CRYBG3: variants seen among roughly 807,000 people sequenced by gnomAD.
CRYBG3 encodes the protein crystallin beta-gamma domain containing 3.
Under a neutral mutation model 244.2 loss-of-function variants are expected in CRYBG3, and 127 were observed. The ratio of observed to expected loss-of-function variants is 0.52; its 90% confidence interval spans 0.45 to 0.60. The LOEUF (loss-of-function observed/expected upper bound fraction) is 0.60, where lower values mean the gene tolerates loss of function less well. Ranked by LOEUF, CRYBG3 falls within the 20% of genes least tolerant of loss-of-function variation. The pLI, the probability that CRYBG3 is intolerant of heterozygous loss-of-function variation, is 0.00. For synonymous variants in CRYBG3, 1,132 were observed against 1,195.8 expected (o/e 0.95, Z 1.10); for missense variants, 3,325 against 3,442.5 (o/e 0.97, Z 0.85).
chr3:97,877,691 G>T lies in CRYBG3; in HGVS notation c.6497G>T (p.Gly2166Val). Reference protein sequence around the residue: ...AVLHKGDLRAGSGERVTFQLP... With the variant: ...AVLHKGDLRAVSGERVTFQLP... ...TTGCATAAAGGAGATCTGAGAGCTGGAAGTGGGGAGCGTGTTACCTTCCAG... is the reference window on the plus strand; with the variant it reads ...TTGCATAAAGGAGATCTGAGAGCTGTAAGTGGGGAGCGTGTTACCTTCCAG... Residue 2166 changes from glycine to valine, a missense_variant, in exon 4 of 22, where the codon GGA (glycine) becomes GTA (valine). Physicochemically the swap from Gly to Val is moderately radical, Grantham distance 109 (BLOSUM62 -3). Coordinates refer to ENST00000389622, the MANE Select transcript of CRYBG3 (RefSeq NM_153605.4). The T allele has an allele frequency of 2.5e-6, 4 of 1,614,088 alleles. No individual in the cohort carries two copies. The East Asian group carries it at 8.9e-5, about 36-fold the overall frequency.
rs1325302583 is a variant in CRYBG3, at chr3:97,943,315, G to C, written c.*1G>C. The C allele has an allele frequency of 6.6e-7, 1 of 1,519,276 alleles. No individual in the cohort carries two copies. Among genetic ancestry groups the C allele is most frequent in the East Asian group, 2.3e-5 (1 of 44,212 alleles). The allele number at this position is 1,519,276 out of a possible 1,614,324, so 94.1% of individuals were successfully genotyped here. A position where few individuals can be genotyped will look rare whatever the true frequency, so the allele number is the denominator to read the frequency against. On this transcript the variant is annotated 3_prime_UTR_variant, in exon 22 of 22. Transcript: ENST00000389622. ...GAAATGGGACATTGAAATATTGTGA[G>C]AGAATCAACATCCCTAGAAAGATCC...
chr3:97,873,948 T>A lies in CRYBG3; in HGVS notation c.2754T>A (p.Tyr918Ter), dbSNP rs897971218. 51 of 1,535,524 alleles carry A rather than the reference T, an allele frequency of 3.3e-5. No homozygotes were observed. The highest frequency in any genetic ancestry group is 3.7e-5 in the Non-Finnish European group (43 of 1,146,778). The change falls in exon 4 of 22, where the codon TAT becomes TAA. Residue 918 changes from tyrosine to a stop codon, truncating the protein, a stop_gained. Transcript: ENST00000389622. LOFTEE classifies it high-confidence loss of function. ...AGCTTTCTCCTGCTGCCTCCAAATATGAAGATAAGCCAGAACCAGAGGTAG... is the reference window on the plus strand; with the variant it reads ...AGCTTTCTCCTGCTGCCTCCAAATAAGAAGATAAGCCAGAACCAGAGGTAG... Reference protein sequence around the residue: ...QAELSPAASKYEDKPEPEVDA... With the variant: ...QAELSPAASK
chr3:97,876,907 G>A lies in CRYBG3; in HGVS notation c.5713G>A (p.Glu1905Lys). The A allele has an allele frequency of 6.9e-7, 1 of 1,448,552 alleles. No individual in the cohort carries two copies. Among genetic ancestry groups the A allele is most frequent in the Non-Finnish European group, 9.1e-7 (1 of 1,100,590 alleles). 89.7% of individuals were successfully genotyped at this position (1,448,552 alleles called of 1,614,324 possible). Reference protein sequence around the residue: ...TPQEYAEGSVEETKEEPTEIK... With the variant: ...TPQEYAEGSVKETKEEPTEIK... Reference sequence around the variant, plus strand: ...ACAAGAGTATGCTGAAGGGAGTGTTGAAGAAACAAAGGAAGAGCCTACAGA... The same window carrying A: ...ACAAGAGTATGCTGAAGGGAGTGTTAAAGAAACAAAGGAAGAGCCTACAGA... The change falls in exon 4 of 22, where the codon GAA (glutamate) becomes AAA (lysine). Residue 1905 changes from glutamate to lysine, a missense_variant. Transcript: ENST00000389622.
intron 8 of CRYBG3, among the ~76,000 whole-genome samples, chr3:97,888,088 A>T (rs1337185291): frequency 1.3e-5 from 2 of 152,206 alleles, no homozygotes; most frequent in African/African-American, 4.8e-5. Flanking sequence ...AATAAAAGTA[A>T]TGCCTAATGA....
At chr3:97,866,309 G>A (rs748900600) in intron 3 of CRYBG3, among the ~76,000 whole-genome samples, 15 of 152,136 alleles carry the variant, frequency 9.9e-5, no homozygotes, top group South Asian at 2.1e-4. Flanking sequence ...TTCTGATAAC[G>A]TACAAAGGTG....
At chr3:97,866,024 T>G (rs1286244651) in intron 3 of CRYBG3, among the ~76,000 whole-genome samples, 1 of 152,050 alleles carries the variant, frequency 6.6e-6, no homozygotes, top group African/African-American at 2.4e-5. Context: ...AATAGAAAAG[T>G]CAAACAATAT....
rs947807214 is a variant in CRYBG3, at chr3:97,822,197, C to G, written c.-10C>G. ...TTCAGACAGCCCCGGGCCAGCGGCCCCCTCGGGAAATGTCCAGCGGCCGCA... is the reference window on the plus strand; with the variant it reads ...TTCAGACAGCCCCGGGCCAGCGGCCGCCTCGGGAAATGTCCAGCGGCCGCA... On this transcript the variant is annotated 5_prime_UTR_variant, in exon 1 of 22. Coordinates refer to ENST00000389622, the MANE Select transcript of CRYBG3 (RefSeq NM_153605.4). 4 of 1,513,812 alleles carry G rather than the reference C, an allele frequency of 2.6e-6. No individual in the cohort carries two copies. In the African/African-American group the frequency reaches 5.6e-5, roughly 21 times the overall value. The allele number at this position is 1,513,812 out of a possible 1,614,324, so 93.8% of individuals were successfully genotyped here.
intron 1 of CRYBG3, among the ~76,000 whole-genome samples, chr3:97,830,894 G>C (rs1039990545): frequency 9.2e-5 from 14 of 152,176 alleles, no homozygotes; most frequent in African/African-American, 3.1e-4. Context: ...CAAGCTCCCT[G>C]TGTGTGGTCT....
chr3:97,841,845 T>A (rs1475488889), intron 1 of CRYBG3, among the ~76,000 whole-genome samples: 2 of 152,194 alleles, frequency 1.3e-5, no homozygotes, highest in Non-Finnish European at 2.9e-5. Context: ...GTCTCATCCC[T>A]TGGAGGATTA....
intron 7 of CRYBG3, among the ~76,000 whole-genome samples, chr3:97,884,868 C>A (rs988276358): frequency 6.6e-5 from 10 of 151,790 alleles, no homozygotes; most frequent in African/African-American, 2.4e-4. Flanking sequence ...ATACTGTTTC[C>A]ATCTGTGTTG....
chr3:97,890,894 G>A (rs1347559952), intron 10 of CRYBG3, among the ~76,000 whole-genome samples: 1 of 152,018 alleles, frequency 6.6e-6, no homozygotes, highest in Non-Finnish European at 1.5e-5. Flanking sequence ...AAATAGTAAA[G>A]GAGAAATACT....
At chr3:97,902,949 A>G (rs186205958) in intron 15 of CRYBG3, among the ~76,000 whole-genome samples, 9 of 152,334 alleles carry the variant, frequency 5.9e-5, no homozygotes, top group Admixed American at 3.3e-4. Flanking sequence ...ATTAAATCTT[A>G]TAACAGTGAA....
At chr3:97,868,197 T>C (rs565046583) in intron 3 of CRYBG3, among the ~76,000 whole-genome samples, 1 of 148,624 alleles carries the variant, frequency 6.7e-6, no homozygotes, top group Non-Finnish European at 1.5e-5. Flanking sequence ...GGCAGGAGAA[T>C]GGCGTGAACC....
At chr3:97,854,589 G>C (rs1043819083) in intron 2 of CRYBG3, among the ~76,000 whole-genome samples, 1 of 138,774 alleles carries the variant, frequency 7.2e-6, no homozygotes, top group African/African-American at 2.7e-5. Flanking sequence ...ATACTCCTAA[G>C]TATTTTTTTT....
intron 3 of CRYBG3, among the ~76,000 whole-genome samples, chr3:97,866,431 T>A (rs1254292397): frequency 6.6e-6 from 1 of 152,214 alleles, no homozygotes; most frequent in East Asian, 1.9e-4. Context: ...AAAGCAGTAC[T>A]ATTCAAAGTG....
intron 12 of CRYBG3, among the ~76,000 whole-genome samples, chr3:97,898,296 A>G (rs1369804648): frequency 6.6e-6 from 1 of 151,480 alleles, no homozygotes; most frequent in African/African-American, 2.4e-5. Flanking sequence ...ATGAAATTAG[A>G]CATTTGCATA....
intron 12 of CRYBG3, among the ~76,000 whole-genome samples, chr3:97,896,712 G>A (rs2039644382): frequency 6.6e-6 from 1 of 152,176 alleles, no homozygotes; most frequent in Non-Finnish European, 1.5e-5. Flanking sequence ...GAGACATTTT[G>A]GATTGTCATA....
At chr3:97,890,186 C>T (rs1159805908) in intron 10 of CRYBG3, among the ~76,000 whole-genome samples, 1 of 152,168 alleles carries the variant, frequency 6.6e-6, no homozygotes, top group Non-Finnish European at 1.5e-5. Flanking sequence ...ATCTAATATA[C>T]TTTGACTGTA....
Position 97,879,757 on chromosome 3 carries a change from A to G in CRYBG3, c.6888+9A>G, listed in dbSNP as rs854457. 2,044 of 1,587,094 alleles carry G rather than the reference A, an allele frequency of 1.3e-3. 20 individuals carry two copies. In the East Asian group the frequency reaches 0.021, roughly 16 times the overall value. On this transcript the variant is annotated intron_variant, in intron 5 of 21. Coordinates refer to ENST00000389622, the MANE Select transcript of CRYBG3 (RefSeq NM_153605.4). ...ACCCAAGACCTGGGAAGGTAAGGAT[A>G]ACTTTCTCAAACTAAGATAAAGGTT...
Sources: gnomAD v4.1 joint callset for allele counts (sites outside exome capture counted in the v4.1 genomes callset) on GRCh38, gnomAD v4.1.1 for gene constraint, MANE v1.5 for transcripts, NCBI Gene and HGNC (gene_info 2026-07-23, HGNC 2026-07-21) for gene names.